DNAH11: variants seen among roughly 807,000 people sequenced by gnomAD.
DNAH11 encodes axonemal beta dynein heavy chain 11.
DNAH11 carries 442 observed loss-of-function variants against 526.0 expected under a neutral mutation model. That is an observed-to-expected ratio of 0.84 (90% confidence interval 0.78 to 0.91). The LOEUF (loss-of-function observed/expected upper bound fraction) is 0.91. Ranked by LOEUF, DNAH11 falls within the 40% of genes least tolerant of loss-of-function variation. The pLI is 0.00. For missense variants in DNAH11, 6,989 were observed against 5,448.7 expected, an observed-to-expected ratio of 1.28 and a Z score of -8.90; for synonymous variants, 2,461 against 1,935.9, an observed-to-expected ratio of 1.27 and a Z score of -7.12.
chr7:21,888,640 C>T (rs905571604), intron 76 of DNAH11, among the ~76,000 whole-genome samples: 2 of 152,080 alleles, frequency 1.3e-5, no homozygotes, highest in Non-Finnish European at 2.9e-5. Context: ...CAGGCATGTG[C>T]CACCACGCTG....
At chr7:21,640,404 G>A (rs146207601) in intron 28 of DNAH11, among the ~76,000 whole-genome samples, 14 of 152,110 alleles carry the variant, frequency 9.2e-5, no homozygotes, top group South Asian at 2.1e-4. Flanking sequence ...ACAAAAGTAC[G>A]TGTTTCTGAA....
rs375170861 is a variant in DNAH11 at position 21,855,277 on chromosome 7, C to T, written c.11202+822C>T. On this transcript the variant is annotated intron_variant, in intron 68 of 81. Transcript: ENST00000409508. ...CTATCTCCTGACCTCGTGATCTGCC[C>T]GCCTCAGCCTCCCAAAGTGTTGGGA... 5.5e-4 allele frequency among the ~76,000 whole-genome samples: 83 copies of T among 152,190 alleles called. 1 individual carries two copies. The highest frequency in any genetic ancestry group is 9.2e-4 in the Admixed American group (14 of 15,294).
In DNAH11 at chr7:21,690,889, T is replaced by C. The variant is rs530654265; in HGVS notation, c.6041+8T>C. 5.6e-6 allele frequency: 9 copies of C among 1,601,530 alleles called. No individual in the cohort carries two copies. The highest frequency in any genetic ancestry group is 7.7e-6 in the Non-Finnish European group (9 of 1,170,196). ...TCTCAAAGCTCTTTTCAGGCAAGTG[T>C]TATGCTTTGTGGCTTAGCATCTGGT... On this transcript the variant is annotated splice_region_variant and intron_variant, in intron 35 of 81. Transcript: ENST00000409508.
rs552784166 is a variant in DNAH11, at chr7:21,622,551, A to G, written c.4500+2473A>G. On this transcript the variant is annotated intron_variant, in intron 25 of 81. Coordinates refer to ENST00000409508, the MANE Select transcript of DNAH11 (RefSeq NM_001277115.2). ...AAAAGAACAAGCCTGGAGTCATCAC[A>G]CTACCCGACTTCAAACTATACTACA... is the stretch of plus-strand genomic sequence containing the variant. Among the ~76,000 whole-genome samples the G allele has an allele frequency of 5.3e-5, 8 of 152,304 alleles. No homozygotes were observed. In the South Asian group the frequency reaches 6.2e-4, roughly 12 times the overall value.
intron 57 of DNAH11, among the ~76,000 whole-genome samples, chr7:21,780,886 G>A (rs1026885985): frequency 3.9e-5 from 6 of 152,162 alleles, no homozygotes; most frequent in Non-Finnish European, 7.3e-5. Context: ...AGATTACATT[G>A]CAGTGGAAAA....
At chr7:21,576,664 T>G (rs1042195396) in intron 8 of DNAH11, among the ~76,000 whole-genome samples, 4 of 152,196 alleles carry the variant, frequency 2.6e-5, no homozygotes, top group Admixed American at 6.5e-5. Context: ...CTAATATCAG[T>G]GTCAATGCTG....
At chr7:21,685,122 G>C (rs542982057) in intron 32 of DNAH11, among the ~76,000 whole-genome samples, 40 of 152,306 alleles carry the variant, frequency 2.6e-4, no homozygotes, top group African/African-American at 9.4e-4. Flanking sequence ...GTCTAATTCA[G>C]TTCTTCTAAC....
chr7:21,725,664 G>A (rs1785068290), intron 44 of DNAH11, 147 bp from the exon 45 acceptor site: 3 of 722,898 alleles, frequency 4.1e-6, no homozygotes, highest in South Asian at 1.9e-5. Context: ...TGCTTTTTAA[G>A]TTAATTATTT....
At chr7:21,856,007 A>G (rs1200620270) in intron 68 of DNAH11, among the ~76,000 whole-genome samples, 1 of 152,160 alleles carries the variant, frequency 6.6e-6, no homozygotes, top group African/African-American at 2.4e-5. Context: ...TTAGCTATGT[A>G]AAGAGTGTTT....
At chr7:21,863,695 C>A (rs1783162829) in intron 69 of DNAH11, among the ~76,000 whole-genome samples, 1 of 152,172 alleles carries the variant, frequency 6.6e-6, no homozygotes, top group Non-Finnish European at 1.5e-5. Flanking sequence ...AAAACTTCCC[C>A]TTGGAAGCCA....
At chr7:21,625,054 G>A (rs1786264461) in intron 25 of DNAH11, among the ~76,000 whole-genome samples, 1 of 150,732 alleles carries the variant, frequency 6.6e-6, no homozygotes, top group Admixed American at 6.6e-5. Context: ...GCCTCATAAA[G>A]TGAGTTTGGA....
At chr7:21,779,174 A>G (rs868356816) in intron 57 of DNAH11, 70 bp downstream of exon 57, 57 of 1,516,090 alleles carry the variant, frequency 3.8e-5, no homozygotes, top group African/African-American at 2.2e-4. Context: ...TAGGTGAACA[A>G]TTTTGAACAA....
intron 30 of DNAH11, among the ~76,000 whole-genome samples, chr7:21,669,417 T>C (rs1782550256): frequency 2.0e-5 from 3 of 152,150 alleles, no homozygotes; most frequent in African/African-American, 7.2e-5. Flanking sequence ...ATGATCCTCC[T>C]GCCTCGGCCT....
intron 54 of DNAH11, among the ~76,000 whole-genome samples, chr7:21,755,300 T>C (rs997499604): frequency 5.9e-5 from 9 of 152,330 alleles, no homozygotes; most frequent in African/African-American, 1.9e-4. Context: ...TTTGTCTATA[T>C]GCATCTTTTC....
At chr7:21,645,415 T>A (rs1180401141) in intron 28 of DNAH11, among the ~76,000 whole-genome samples, 1 of 152,208 alleles carries the variant, frequency 6.6e-6, no homozygotes, top group Non-Finnish European at 1.5e-5. Flanking sequence ...AGAATAAGTG[T>A]GCCAGGGGCT....
chr7:21,835,706 A>G (rs73277786), intron 65 of DNAH11, among the ~76,000 whole-genome samples: 10,506 of 152,108 alleles, frequency 0.069, 1,131 homozygotes, highest in African/African-American at 0.23. Flanking sequence ...GAAACAAGAC[A>G]AGGATTCTCA....
At chr7:21,698,824 A>T (rs770319399) in intron 36 of DNAH11, among the ~76,000 whole-genome samples, 2 of 152,224 alleles carry the variant, frequency 1.3e-5, no homozygotes, top group Non-Finnish European at 2.9e-5. Context: ...TCCTCTGGGC[A>T]GATACCCAGT....
At chr7:21,789,672 A>C (rs1369015169) in intron 61 of DNAH11, among the ~76,000 whole-genome samples, 1 of 151,956 alleles carries the variant, frequency 6.6e-6, no homozygotes, top group African/African-American at 2.4e-5. Flanking sequence ...TCCACTGTTT[A>C]CTGTTGCATC....
At chr7:21,572,799 G>A (rs538523478) in intron 8 of DNAH11, among the ~76,000 whole-genome samples, 1 of 152,170 alleles carries the variant, frequency 6.6e-6, no homozygotes, top group Non-Finnish European at 1.5e-5. Flanking sequence ...AATGGTAGAA[G>A]GACACTGCTG....
Sources: allele counts gnomAD v4.1 joint callset (sites outside exome capture counted in the v4.1 genomes callset), GRCh38; gene constraint gnomAD v4.1.1; transcripts MANE v1.5; gene names NCBI Gene and HGNC (gene_info 2026-07-23, HGNC 2026-07-21).